The following ADAMTS14 variants were observed in gnomAD, a reference collection of about 807,000 sequenced individuals.
The protein encoded by ADAMTS14 is A disintegrin and metalloproteinase with thrombospondin motifs 14.
In ADAMTS14, 100 loss-of-function variants were observed where a neutral mutation model predicts 128.6. The observed-to-expected ratio is 0.78, with a 90% CI of 0.66 to 0.92. The LOEUF (loss-of-function observed/expected upper bound fraction) is 0.92, where lower values mean the gene tolerates loss of function less well. Among genes scored for constraint, ADAMTS14 ranks in the 40% least tolerant of loss-of-function variants. ADAMTS14 has a pLI of 0.00. For synonymous variants in ADAMTS14, 665 were observed against 653.8 expected (o/e 1.02, Z -0.26); for missense variants, 1,562 against 1,658.6 (o/e 0.94, Z 1.01).
chr10:70,692,267 C>A (rs559734397), intron 2 of ADAMTS14, among the ~76,000 whole-genome samples: 1 of 152,090 alleles, frequency 6.6e-6, no homozygotes, highest in African/African-American at 2.4e-5. Flanking sequence ...AAGAGCCAGG[C>A]GGAGGAGGGA....
intron 4 of ADAMTS14, among the ~76,000 whole-genome samples, chr10:70,720,697 CCA>C (rs1841229272): frequency 6.6e-6 from 1 of 152,232 alleles, no homozygotes. Flanking sequence ...ACACAGGTAC[CCA>C]CACACATGCA....
intron 21 of ADAMTS14, among the ~76,000 whole-genome samples, chr10:70,759,506 C>G (rs1842557884): frequency 6.6e-6 from 1 of 152,176 alleles, no homozygotes; most frequent in Admixed American, 6.5e-5. Flanking sequence ...TTGCCAGGTG[C>G]TTTAAAGATG....
At chr10:70,745,407 A>T in intron 15 of ADAMTS14, 101 bp downstream of exon 15, 1 of 1,238,780 alleles carries the variant, frequency 8.1e-7, no homozygotes, top group Non-Finnish European at 1.2e-6. Flanking sequence ...GTACAAGTGG[A>T]ATTGTACTAA....
chr10:70,739,860 A>G (rs908374548), intron 11 of ADAMTS14, among the ~76,000 whole-genome samples: 1 of 152,234 alleles, frequency 6.6e-6, no homozygotes, highest in African/African-American at 2.4e-5. Flanking sequence ...TTTAGAGAAT[A>G]TAGCCGTATA....
intron 4 of ADAMTS14, among the ~76,000 whole-genome samples, chr10:70,724,821 G>A (rs951827242): frequency 2.6e-5 from 4 of 152,084 alleles, no homozygotes; most frequent in Non-Finnish European, 4.4e-5. Flanking sequence ...TAAAATAAAA[G>A]CAGTTTATTT....
chr10:70,757,996 G>T lies in ADAMTS14; in HGVS notation c.2972G>T (p.Arg991Leu), dbSNP rs202127280. 6.2e-7 allele frequency: 1 copy of T among 1,613,206 alleles called. No individual in the cohort carries two copies. Among genetic ancestry groups the T allele is most frequent in the Non-Finnish European group, 8.5e-7 (1 of 1,179,828 alleles). Residue 991 changes from arginine (R) to leucine (L), a missense_variant, in exon 20 of 22, where the codon CGG becomes CTG. Physicochemically the swap from Arg to Leu is moderately radical, Grantham distance 102. Transcript: ENST00000373207. ...ACCTGTGGAGAGGGCATCCAGCAGCGGCAGGTGGTGTGCAGGACCAACGCC... is the reference window on the plus strand; with the variant it reads ...ACCTGTGGAGAGGGCATCCAGCAGCTGCAGGTGGTGTGCAGGACCAACGCC... ...SATCGEGIQQ[R>L]QVVCRTNANS...
intron 2 of ADAMTS14, among the ~76,000 whole-genome samples, chr10:70,680,393 G>A (rs757357423): frequency 3.3e-5 from 5 of 152,060 alleles, no homozygotes; most frequent in Admixed American, 6.6e-5. Context: ...CAACAAGAGC[G>A]AAACTGTCTC....
At chr10:70,681,203 G>A (rs1839791532) in intron 2 of ADAMTS14, among the ~76,000 whole-genome samples, 1 of 152,198 alleles carries the variant, frequency 6.6e-6, no homozygotes, top group Admixed American at 6.5e-5. Context: ...GGAATACAGG[G>A]AAGCATAATG....
chr10:70,675,901 G>A (rs7086591), intron 2 of ADAMTS14, among the ~76,000 whole-genome samples: 68,300 of 151,960 alleles, frequency 0.45, 15,699 homozygotes, highest in East Asian at 0.67. Context: ...TTGCTCCTCT[G>A]CCCTTCAGCT....
chr10:70,727,876 A>G (rs1005821241), intron 4 of ADAMTS14, among the ~76,000 whole-genome samples: 3 of 152,272 alleles, frequency 2.0e-5, no homozygotes, highest in Admixed American at 6.5e-5. Context: ...CGGGTGGATC[A>G]TGAGGTCAGG....
intron 3 of ADAMTS14, among the ~76,000 whole-genome samples, chr10:70,707,410 A>C (rs564241395): frequency 6.6e-6 from 1 of 152,284 alleles, no homozygotes; most frequent in East Asian, 1.9e-4. Context: ...AAAGCTTCAG[A>C]GTGAGATGGA....
At position 70,751,524 on chromosome 10, in the gene ADAMTS14, A is replaced by G; in HGVS notation, c.2474A>G (p.Lys825Arg). ...EGGPRSSLAY[K>R]YVIHEDLLPL... ...GGCCCCCGCAGCAGCCTGGCCTACAAGTACGTCATCCATGAGGACCTGCTG... is the reference window on the plus strand; with the variant it reads ...GGCCCCCGCAGCAGCCTGGCCTACAGGTACGTCATCCATGAGGACCTGCTG... The change falls in exon 17 of 22, where the codon AAG (lysine) becomes AGG (arginine). Residue 825 changes from lysine to arginine, a missense_variant. Physicochemically the swap from Lys to Arg is conservative, Grantham distance 26. Coordinates refer to ENST00000373207, the MANE Select transcript of ADAMTS14 (RefSeq NM_080722.4). 6.2e-7 allele frequency: 1 copy of G among 1,612,796 alleles called. No individual in the cohort carries two copies. The highest frequency in any genetic ancestry group is 8.5e-7 in the Non-Finnish European group (1 of 1,178,994).
At chr10:70,759,833 T>G (rs943494123) in intron 21 of ADAMTS14, among the ~76,000 whole-genome samples, 1 of 152,128 alleles carries the variant, frequency 6.6e-6, no homozygotes, top group African/African-American at 2.4e-5. Context: ...CCCACTTCCA[T>G]CCAGAGCAGC....
intron 4 of ADAMTS14, among the ~76,000 whole-genome samples, chr10:70,714,916 A>G (rs1240762713): frequency 1.4e-5 from 2 of 145,890 alleles, no homozygotes; most frequent in Non-Finnish European, 3.0e-5. Flanking sequence ...ATTGCACTCC[A>G]GCCTGGGCCA....
At chr10:70,719,990 G>A (rs1841202623) in intron 4 of ADAMTS14, among the ~76,000 whole-genome samples, 1 of 152,236 alleles carries the variant, frequency 6.6e-6, no homozygotes, top group Non-Finnish European at 1.5e-5. Flanking sequence ...ATAGGTTGTG[G>A]GGGATAAATG....
intron 2 of ADAMTS14, among the ~76,000 whole-genome samples, chr10:70,691,081 G>C (rs550045873): frequency 1.4e-5 from 2 of 145,252 alleles, no homozygotes; most frequent in East Asian, 3.9e-4. Context: ...TCCAGAGTGA[G>C]GGGTTTGCAG....
chr10:70,747,056 A>G (rs1187055286), intron 15 of ADAMTS14, among the ~76,000 whole-genome samples: 1 of 152,088 alleles, frequency 6.6e-6, no homozygotes, highest in African/African-American at 2.4e-5. Context: ...ATCACACACA[A>G]ATGCTGCCAT....
intron 2 of ADAMTS14, among the ~76,000 whole-genome samples, chr10:70,676,816 C>T (rs59626596): frequency 0.046 from 7,002 of 152,238 alleles, 534 homozygotes; most frequent in African/African-American, 0.16. Flanking sequence ...TCCAGGGATA[C>T]AGTATCCATG....
In ADAMTS14 at chr10:70,749,749, A is replaced by G. The variant is rs1211262013; in HGVS notation, c.2264-73A>G. 3.9e-6 allele frequency: 6 copies of G among 1,540,726 alleles called. No individual in the cohort carries two copies. In the African/African-American group the frequency reaches 8.2e-5, roughly 21 times the overall value. On this transcript the variant is annotated intron_variant, in intron 15 of 21. Coordinates refer to ENST00000373207, the MANE Select transcript of ADAMTS14 (RefSeq NM_080722.4). ...CAGAAGGCTCACTGGGAAGGCCTTGAATTTCATATTCATGGCCCGCCCCCT... is the reference window on the plus strand; with the variant it reads ...CAGAAGGCTCACTGGGAAGGCCTTGGATTTCATATTCATGGCCCGCCCCCT...
Sources: allele counts gnomAD v4.1 joint callset (sites outside exome capture counted in the v4.1 genomes callset), GRCh38; gene constraint gnomAD v4.1.1; transcripts MANE v1.5; gene names NCBI Gene and HGNC (gene_info 2026-07-23, HGNC 2026-07-21).